The following KDM6B variants were observed in gnomAD, a reference collection of about 807,000 sequenced individuals.
KDM6B encodes the protein lysine-specific demethylase 6B.
Under a neutral mutation model 150.4 loss-of-function variants are expected in KDM6B, and 22 were observed. That is an observed-to-expected ratio of 0.15 (90% CI 0.10 to 0.21). KDM6B has a LOEUF of 0.21. Among genes scored for constraint, KDM6B ranks in the 10% least tolerant of loss-of-function variants. KDM6B has a pLI of 1.00. For missense variants in KDM6B, 1,984 were observed against 2,234.3 expected, an observed-to-expected ratio of 0.89 and a Z score of 2.26; for synonymous variants, 1,148 against 921.1, an observed-to-expected ratio of 1.25 and a Z score of -4.46.
chr17:7,852,450 T>G (rs1195755874), intron 20 of KDM6B, 45 bp from the exon 21 acceptor site: 3 of 1,579,372 alleles, frequency 1.9e-6, no homozygotes, highest in South Asian at 2.3e-5. Flanking sequence ...CCTAGGTGTC[T>G]GGGGGCTGTT....
chr17:7,841,285 TGGGACAGAACTTGATTGAA>T (rs2078409838), intron 2 of KDM6B, among the ~76,000 whole-genome samples: 1 of 152,052 alleles, frequency 6.6e-6, no homozygotes, highest in Non-Finnish European at 1.5e-5. Context: ...TGTCGAGGGA[TGGGACAGAACTTGATTGAA>T]GGCAGACAGA....
Position 7,853,746 on chromosome 17 carries a change from T to G in KDM6B, c.*225T>G. 6.3e-6 allele frequency: 2 copies of G among 315,384 alleles called. No individual in the cohort carries two copies. Among genetic ancestry groups the G allele is most frequent in the South Asian group, 1.2e-4 (1 of 8,518 alleles). The allele number at this position is 315,384 out of a possible 1,614,324, so 19.5% of individuals were successfully genotyped here. On this transcript the variant is annotated 3_prime_UTR_variant, in exon 24 of 24. Coordinates refer to ENST00000448097, the MANE Select transcript of KDM6B (RefSeq NM_001348716.2). The stretch of plus-strand genomic sequence containing the variant: ...AAAAATGGGAGACGGGGGAGGGGGC[T>G]GGCAGCCCCTCGCCCACCAGCGCCT...
intron 21 of KDM6B, 136 bp from the exon 22 acceptor site, chr17:7,852,864 A>T: frequency 7.5e-7 from 1 of 1,325,266 alleles, no homozygotes; most frequent in Non-Finnish European, 1.1e-6. Flanking sequence ...CCCAGGACAG[A>T]GGATGTGACC....
In KDM6B at chr17:7,845,867, T is replaced by C; in HGVS notation, c.138-5T>C. On this transcript the variant is annotated splice_region_variant and splice_polypyrimidine_tract_variant and intron_variant, in intron 5 of 23. Coordinates refer to ENST00000448097, the MANE Select transcript of KDM6B (RefSeq NM_001348716.2). ...CCGTATATAACAGACTCCTTCTCTC[T>C]CCAGATGCTCAGCCAGCATTGGGCA... 6.2e-7 allele frequency: 1 copy of C among 1,613,130 alleles called. No homozygotes were observed. Among genetic ancestry groups the C allele is most frequent in the South Asian group, 1.1e-5 (1 of 91,078 alleles).
chr17:7,847,507 C>T (rs1473089215), intron 11 of KDM6B, 39 bp from the exon 12 acceptor site: 2 of 1,612,558 alleles, frequency 1.2e-6, no homozygotes, highest in African/African-American at 1.3e-5. Flanking sequence ...CTTGAGGCAG[C>T]CCGAGCAATG....
rs772709518 is a variant in KDM6B, at chr17:7,852,562, G to A, written c.4536G>A (p.Val1512=). ...AGGTGAAGAACGTCAAATCCATCGT[G>A]CCCATGATTCACGTGTCATGGAACG... ...WNEVKNVKSI[V]PMIHVSWNVA... is the part of the protein sequence containing the mutation. Residue 1512 remains valine, a synonymous_variant, in exon 21 of 24, where the codon GTG becomes GTA. Coordinates refer to ENST00000448097, the MANE Select transcript of KDM6B (RefSeq NM_001348716.2). 8 of 1,614,136 alleles carry A rather than the reference G, an allele frequency of 5.0e-6. No individual in the cohort carries two copies. The highest frequency in any genetic ancestry group is 6.8e-6 in the Non-Finnish European group (8 of 1,180,032).
chr17:7,849,999 A>G, intron 13 of KDM6B, 52 bp downstream of exon 13: 1 of 1,613,492 alleles, frequency 6.2e-7, no homozygotes, highest in Non-Finnish European at 8.5e-7. Flanking sequence ...GTTCTAAGAC[A>G]GTGTTGGGGA....
chr17:7,849,754 C>T, intron 12 of KDM6B, 26 bp downstream of exon 12: 1 of 1,612,674 alleles, frequency 6.2e-7, no homozygotes, highest in Middle Eastern at 1.6e-4. Context: ...GCTTGCTTGT[C>T]CCGGAGACAG....
intron 3 of KDM6B, 69 bp from the exon 4 acceptor site, chr17:7,845,245 G>T: frequency 1.9e-6 from 1 of 527,348 alleles, no homozygotes; most frequent in South Asian, 2.1e-5. Flanking sequence ...GCCACAGTCC[G>T]CCCATCCCAG....
rs1567794877 is a variant in KDM6B at position 7,848,066 on chromosome 17, A to G, written c.1778A>G (p.Asn593Ser). Residue 593 changes from asparagine to serine, a missense_variant, in exon 12 of 24, where the codon AAC becomes AGC. This residue lies in a region of KDM6B where 1,379 missense variants were observed against 1,275.6 expected (regional missense o/e 1.08). Coordinates refer to ENST00000448097, the MANE Select transcript of KDM6B (RefSeq NM_001348716.2). ...PLPRPPSPAQ[N>S]PQDPPLVPLT... ...CCCCGGCCTCCCAGCCCAGCACAGA[A>G]CCCCCAGGACCCACCTCTTGTACCC... 1 of 1,609,198 alleles carries G rather than the reference A, an allele frequency of 6.2e-7. No individual in the cohort carries two copies. Among genetic ancestry groups the G allele is most frequent in the Non-Finnish European group, 8.5e-7 (1 of 1,178,130 alleles).
In KDM6B at chr17:7,851,468, GC is replaced by G; in HGVS notation, c.3945-6del. ...TGCTCTCCACCAACCTGTGCTCTTC[GC>G]CCCAGCAGCAGCGCACCAGACCCGA... On this transcript the variant is annotated splice_polypyrimidine_tract_variant and intron_variant, in intron 16 of 23. Transcript: ENST00000448097. 1.2e-6 allele frequency: 2 copies of G among 1,614,120 alleles called. No homozygotes were observed. Among genetic ancestry groups the G allele is most frequent in the Middle Eastern group, 1.6e-4 (1 of 6,062 alleles).
rs138335949 is a variant in KDM6B at position 7,849,714 on chromosome 17, C to T, written c.3426C>T (p.Val1142=). The change falls in exon 12 of 24, where the codon GTC becomes GTT. Residue 1142 remains valine, a synonymous_variant. Transcript: ENST00000448097. The part of the protein sequence containing the change: ...DLTISHCAAD[V]VRASRNAKVK... ...CCATCAGCCACTGTGCTGCTGACGT[C>T]GTGCGCGCCAGCAGGTGAGTCGGCT... The T allele has an allele frequency of 2.5e-5, 40 of 1,611,360 alleles. No homozygotes were observed. Among genetic ancestry groups the T allele is most frequent in the Middle Eastern group, 1.6e-4 (1 of 6,084 alleles).
intron 3 of KDM6B, 43 bp downstream of exon 3, chr17:7,845,063 C>G (rs2078503981): frequency 4.3e-6 from 1 of 230,982 alleles, no homozygotes; most frequent in Non-Finnish European, 8.9e-6. Flanking sequence ...TGGCTCCGGA[C>G]TGGAAGCCTG....
chr17:7,846,859 T>TACCACCACCACCACCACC lies in KDM6B; in HGVS notation c.774_791dup (p.Pro259_Pro264dup). 8.2e-5 allele frequency: 100 copies of TACCACCACCACCACCACC among 1,215,804 alleles called. No individual in the cohort carries two copies. Among genetic ancestry groups the TACCACCACCACCACCACC allele is most frequent in the African/African-American group, 1.7e-4 (9 of 54,510 alleles). 75.3% of individuals were successfully genotyped at this position (1,215,804 alleles called of 1,614,324 possible). ...GGGCTGCCACTGCCTCCACCACCAT[T>TACCACCACCACCACCACC]ACCACCACCACCACCACCACCACCA... On this transcript the variant is annotated inframe_insertion, in exon 10 of 24. Transcript: ENST00000448097.
rs762876815 is a variant in KDM6B at position 7,852,526 on chromosome 17, C to T, written c.4500C>T (p.Tyr1500=). Residue 1500 remains tyrosine, a synonymous_variant, in exon 21 of 24, where the codon TAC becomes TAT. Transcript: ENST00000448097. ...AYQYQLALER[Y]EWNEVKNVKS... is the part of the protein sequence containing the mutation. ...AGTACCAGCTGGCCCTGGAACGATA[C>T]GAGTGGAATGAGGTGAAGAACGTCA... 1.3e-5 allele frequency: 21 copies of T among 1,614,028 alleles called. No homozygotes were observed. Among genetic ancestry groups the T allele is most frequent in the Non-Finnish European group, 1.6e-5 (19 of 1,180,046 alleles).
At chr17:7,834,407 G>A (rs907876261) in intron 1 of KDM6B, among the ~76,000 whole-genome samples, 57 bp downstream of exon 1, 1 of 152,136 alleles carries the variant, frequency 6.6e-6, no homozygotes. Context: ...TTGCAGCAGG[G>A]CAGGACGCCT....
chr17:7,849,917 A>G lies in KDM6B; in HGVS notation c.3537A>G (p.Glu1179=). Residue 1179 remains glutamate, a synonymous_variant, in exon 13 of 24, where the codon GAA becomes GAG. Transcript: ENST00000448097. ...ACACTGAGGAGAAGCTGCCCCGGGA[A>G]AAACTCAACCCCCCTACACCCAGCA... ...KINTEEKLPR[E]KLNPPTPSIY... is the part of the protein sequence containing the mutation. 3.7e-6 allele frequency: 6 copies of G among 1,613,572 alleles called. No homozygotes were observed. Among genetic ancestry groups the G allele is most frequent in the Non-Finnish European group, 5.1e-6 (6 of 1,180,018 alleles).
At position 7,848,071 on chromosome 17, in the gene KDM6B, C is replaced by G. The variant is rs2078601183; in HGVS notation, c.1783C>G (p.Gln595Glu). Residue 595 changes from glutamine to glutamate, a missense_variant, in exon 12 of 24, where the codon CAG (glutamine) becomes GAG (glutamate). By Grantham distance (29) the Gln-to-Glu change is conservative. Around this residue, in one of 13 missense-constraint regions of KDM6B, gnomAD observed 1,379 missense variants for 1,275.6 expected, o/e 1.08. Transcript: ENST00000448097. ...PRPPSPAQNP[Q>E]DPPLVPLTLA... ...GCCTCCCAGCCCAGCACAGAACCCC[C>G]AGGACCCACCTCTTGTACCCCTGAC... The G allele has an allele frequency of 6.2e-7, 1 of 1,612,756 alleles. No individual in the cohort carries two copies. Among genetic ancestry groups the G allele is most frequent in the African/African-American group, 1.3e-5 (1 of 74,882 alleles).
chr17:7,846,545 C>T lies in KDM6B; in HGVS notation c.550-34C>T, dbSNP rs182822216. On this transcript the variant is annotated intron_variant, in intron 8 of 23. Coordinates refer to ENST00000448097, the MANE Select transcript of KDM6B (RefSeq NM_001348716.2). Reference sequence around the variant, plus strand: ...AGGAGAGCCAGGCTGTGCCTGCACCCGTGCCATTTTCTCTTCTCTCTTTTT... The same window carrying T: ...AGGAGAGCCAGGCTGTGCCTGCACCTGTGCCATTTTCTCTTCTCTCTTTTT... 2,315 of 1,614,044 alleles carry T rather than the reference C, an allele frequency of 1.4e-3. 43 individuals carry two copies. The South Asian group carries it at 0.02, about 14-fold the overall frequency.
Sources: gnomAD v4.1 joint callset for allele counts (sites outside exome capture counted in the v4.1 genomes callset) on GRCh38, gnomAD v4.1.1 for gene constraint, gnomAD v4.1.1 regional missense constraint, MANE v1.5 for transcripts, NCBI Gene and HGNC (gene_info 2026-07-23, HGNC 2026-07-21) for gene names.